The following SUGCT variants were observed in gnomAD, a reference collection of about 807,000 sequenced individuals.
SUGCT encodes the protein succinyl-CoA:glutarate-CoA transferase, also known as succinyl-CoA:glutarate CoA-transferase.
In SUGCT, 41 loss-of-function variants were observed where a neutral mutation model predicts 55.0. That is an observed-to-expected ratio of 0.74 (90% CI 0.58 to 0.97). SUGCT has a LOEUF of 0.97. Among genes scored for constraint, SUGCT ranks in the 50% least tolerant of loss-of-function variants. SUGCT has a pLI of 0.00. For missense variants in SUGCT, 568 were observed against 547.8 expected (o/e 1.04, Z -0.37); for synonymous variants, 187 against 200.4 (o/e 0.93, Z 0.56).
intron 12 of SUGCT, among the ~76,000 whole-genome samples, chr7:40,720,278 C>T (rs1786257582): frequency 6.6e-6 from 1 of 152,038 alleles, no homozygotes; most frequent in Non-Finnish European, 1.5e-5. Flanking sequence ...TGTCAAAAGG[C>T]ACGTAAATGT....
At chr7:40,160,268 G>A (rs963633612) in intron 1 of SUGCT, among the ~76,000 whole-genome samples, 2 of 152,014 alleles carry the variant, frequency 1.3e-5, no homozygotes, top group African/African-American at 4.8e-5. Context: ...CCGCTTTGTC[G>A]CCCAGGATGG....
At chr7:40,996,975 G>A in the SUGCT span, among the ~76,000 whole-genome samples, 2 of 152,184 alleles carry the variant, frequency 1.3e-5, no homozygotes, top group African/African-American at 4.8e-5. Flanking sequence ...CTGAAGCGAA[G>A]GAGACAGGCA....
intron 6 of SUGCT, among the ~76,000 whole-genome samples, chr7:40,201,745 A>T (rs961642926): frequency 2.6e-5 from 4 of 152,150 alleles, no homozygotes; most frequent in Non-Finnish European, 5.9e-5. Flanking sequence ...CCAGAAAATG[A>T]CTTTATGCCT....
At chr7:40,489,650 T>G (rs780266004) in intron 11 of SUGCT, among the ~76,000 whole-genome samples, 5 of 152,038 alleles carry the variant, frequency 3.3e-5, no homozygotes, top group Admixed American at 6.6e-5. Context: ...CACTGCACTC[T>G]AGCCTGGTGA....
chr7:40,969,095 G>C, the SUGCT span, among the ~76,000 whole-genome samples: 5 of 152,328 alleles, frequency 3.3e-5, no homozygotes, highest in South Asian at 1.0e-3. Context: ...AAAGAAGTTT[G>C]TTCTGATCCT....
chr7:40,380,648 G>A (rs1190775017), intron 9 of SUGCT, among the ~76,000 whole-genome samples: 1 of 152,126 alleles, frequency 6.6e-6, no homozygotes, highest in Admixed American at 6.6e-5. Context: ...GAATTTTCTG[G>A]ATTCAGTTTC....
intron 10 of SUGCT, among the ~76,000 whole-genome samples, chr7:40,453,103 A>G (rs1173575262): frequency 6.6e-6 from 1 of 152,128 alleles, no homozygotes; most frequent in African/African-American, 2.4e-5. Flanking sequence ...TGAAAAAGTG[A>G]GCTGTAATGT....
chr7:40,622,659 T>C (rs1799330497), intron 12 of SUGCT, among the ~76,000 whole-genome samples: 1 of 151,566 alleles, frequency 6.6e-6, no homozygotes, highest in Non-Finnish European at 1.5e-5. Context: ...TTCAGACCAG[T>C]ATTTTCAGTT....
the SUGCT span, among the ~76,000 whole-genome samples, chr7:40,881,973 T>C: frequency 3.3e-5 from 5 of 152,204 alleles, no homozygotes; most frequent in Non-Finnish European, 5.9e-5. Flanking sequence ...CAACATTGGC[T>C]CTAATATTGG....
chr7:40,239,330 C>T (rs1316086995), intron 7 of SUGCT, among the ~76,000 whole-genome samples: 1 of 151,976 alleles, frequency 6.6e-6, no homozygotes, highest in East Asian at 1.9e-4. Flanking sequence ...ATCTTGGCCT[C>T]CTAACGTGAT....
At chr7:40,668,146 T>G (rs1481964751) in intron 12 of SUGCT, among the ~76,000 whole-genome samples, 1 of 152,222 alleles carries the variant, frequency 6.6e-6, no homozygotes, top group Non-Finnish European at 1.5e-5. Context: ...TTTAATTAAA[T>G]TCTTTTACAG....
rs180836475 is a variant in SUGCT, at chr7:40,198,626, C to T, written c.484+3566C>T. On this transcript the variant is annotated intron_variant, in intron 6 of 13. Coordinates refer to ENST00000335693, the MANE Select transcript of SUGCT (RefSeq NM_001193313.2). Reference sequence around the variant, plus strand: ...CTGTAATCCCAGCACTTTGAGAGGCCGAGGCGGGCGGATCACCTGAGGTCA... The same window carrying T: ...CTGTAATCCCAGCACTTTGAGAGGCTGAGGCGGGCGGATCACCTGAGGTCA... Among the ~76,000 whole-genome samples, 522 of 142,298 alleles carry T rather than the reference C, an allele frequency of 3.7e-3. 8 individuals carry two copies. The highest frequency in any genetic ancestry group is 0.014 in the African/African-American group (459 of 32,256). 93.4% of individuals were successfully genotyped at this position (142,298 alleles called of 152,430 possible).
chr7:40,710,981 C>T (rs1423349794), intron 12 of SUGCT, among the ~76,000 whole-genome samples: 2 of 152,138 alleles, frequency 1.3e-5, no homozygotes, highest in Admixed American at 6.5e-5. Flanking sequence ...ATTGGGAGTA[C>T]AGTGTCGTTG....
intron 12 of SUGCT, among the ~76,000 whole-genome samples, chr7:40,648,610 T>C (rs1255316072): frequency 1.3e-5 from 2 of 152,212 alleles, no homozygotes; most frequent in Admixed American, 1.3e-4. Context: ...TTGATTAGGG[T>C]TGGCCCTAAA....
At chr7:40,974,429 A>C in the SUGCT span, among the ~76,000 whole-genome samples, 2 of 152,224 alleles carry the variant, frequency 1.3e-5, no homozygotes. Flanking sequence ...AAGATGCCAG[A>C]GCTTGCTGTC....
At chr7:40,310,106 T>C (rs6975393) in intron 8 of SUGCT, among the ~76,000 whole-genome samples, 7,595 of 152,100 alleles carry the variant, frequency 0.05, 624 homozygotes, top group African/African-American at 0.17. Flanking sequence ...GAAAAAAGAG[T>C]AATCTTACAG....
At chr7:40,792,905 T>G (rs1365580894) in intron 13 of SUGCT, among the ~76,000 whole-genome samples, 2 of 152,108 alleles carry the variant, frequency 1.3e-5, no homozygotes, top group Admixed American at 6.6e-5. Flanking sequence ...AGGAAGGCTT[T>G]TAAAAGTACA....
intron 12 of SUGCT, among the ~76,000 whole-genome samples, chr7:40,726,278 C>G (rs1457028505): frequency 6.6e-6 from 1 of 151,848 alleles, no homozygotes; most frequent in East Asian, 1.9e-4. Context: ...GTATTATATA[C>G]TGTATTCTTA....
At chr7:40,419,128 G>A (rs1434106636) in intron 9 of SUGCT, among the ~76,000 whole-genome samples, 1 of 152,152 alleles carries the variant, frequency 6.6e-6, no homozygotes, top group Non-Finnish European at 1.5e-5. Flanking sequence ...GCTCATTTAT[G>A]GGGCGGTGAA....
Sources: gnomAD v4.1 joint callset for allele counts (sites outside exome capture counted in the v4.1 genomes callset) on GRCh38, gnomAD v4.1.1 for gene constraint, MANE v1.5 for transcripts, NCBI Gene and HGNC (gene_info 2026-07-23, HGNC 2026-07-21) for gene names.